Variants in SVOP observed in about 807,000 individuals in gnomAD.
The protein encoded by SVOP is synaptic vesicle 2-related protein.
SVOP carries 17 observed loss-of-function variants against 69.1 expected under a neutral mutation model. The observed-to-expected ratio is 0.25, with a 90% CI of 0.17 to 0.37. SVOP has a LOEUF of 0.37. SVOP is among the 10% of genes least tolerant of loss of function. The probability of loss-of-function intolerance (pLI) is 1.00; values close to 1 mark genes in which losing one functional copy is unlikely to be tolerated. For missense variants in SVOP, 435 were observed against 597.5 expected, an observed-to-expected ratio of 0.73 and a Z score of 2.84; for synonymous variants, 238 against 238.6, an observed-to-expected ratio of 1.00 and a Z score of 0.02.
chr12:108,991,953 T>G (rs2040204503), intron 1 of SVOP, among the ~76,000 whole-genome samples: 1 of 151,698 alleles, frequency 6.6e-6, no homozygotes, highest in African/African-American at 2.4e-5. Flanking sequence ...TCTAAAGAAA[T>G]AAAGAAATAA....
chr12:108,990,760 C>A (rs2040195325), intron 1 of SVOP, among the ~76,000 whole-genome samples: 1 of 152,206 alleles, frequency 6.6e-6, no homozygotes, highest in African/African-American at 2.4e-5. Flanking sequence ...GCCTGACTGA[C>A]AGCTCTTTGG....
At chr12:109,017,169 G>A (rs2040371906) in intron 1 of SVOP, among the ~76,000 whole-genome samples, 1 of 152,120 alleles carries the variant, frequency 6.6e-6, no homozygotes, top group Admixed American at 6.5e-5. Context: ...TGAGCCTTGG[G>A]TGAGTGAGCA....
intron 2 of SVOP, among the ~76,000 whole-genome samples, chr12:108,979,308 T>C (rs575552667): frequency 6.6e-6 from 1 of 152,342 alleles, no homozygotes; most frequent in East Asian, 1.9e-4. Flanking sequence ...GGTACAATCA[T>C]AGCTCAATGC....
At chr12:108,969,715 T>TTTCCTTCCTTCCTTCCTCCC (rs1555251568) in intron 5 of SVOP, among the ~76,000 whole-genome samples, 14 of 35,930 alleles carry the variant, frequency 3.9e-4, no homozygotes, top group African/African-American at 9.8e-4. Flanking sequence ...CCTCCTTTTT[T>TTTCCTTCCTTCCTTCCTCCC]TTCCTTCCTT....
rs1393370174 is a variant in SVOP at position 109,000,060 on chromosome 12, C to T, written c.36-16299G>A. On this transcript the variant is annotated intron_variant, in intron 1 of 15. Transcript: ENST00000610966. Reference sequence around the variant, plus strand: ...GAAAGGATCAACAAAATTGATAGACCGCTAGCAAGACTAATAAAGAAAAAA... The same window carrying T: ...GAAAGGATCAACAAAATTGATAGACTGCTAGCAAGACTAATAAAGAAAAAA... Among the ~76,000 whole-genome samples, 160 of 151,478 alleles carry T rather than the reference C, an allele frequency of 1.1e-3. 1 individual carries two copies. The highest frequency in any genetic ancestry group is 2.8e-3 in the African/African-American group (114 of 41,282).
intron 5 of SVOP, among the ~76,000 whole-genome samples, chr12:108,969,828 A>G (rs1054789092): frequency 2.0e-5 from 3 of 152,036 alleles, no homozygotes; most frequent in African/African-American, 7.2e-5. Flanking sequence ...TGGGTGGGAG[A>G]GCAGATGGGG....
chr12:108,983,006 CATCATCATTATCACCACCATCATCAT>C (rs1275314144), intron 2 of SVOP, among the ~76,000 whole-genome samples: 1 of 148,526 alleles, frequency 6.7e-6, no homozygotes, highest in Non-Finnish European at 1.5e-5. Flanking sequence ...TCATTGTCAC[CATCATCATTATCACCACCATCATCAT>C]ATCATCATCA....
At chr12:109,006,359 C>T (rs999493417) in intron 1 of SVOP, among the ~76,000 whole-genome samples, 4 of 151,988 alleles carry the variant, frequency 2.6e-5, no homozygotes, top group African/African-American at 9.7e-5. Flanking sequence ...CCCCAGAAAG[C>T]GTTTCTTAAA....
chr12:108,916,649 C>T (rs964516181), intron 14 of SVOP, among the ~76,000 whole-genome samples: 1 of 152,214 alleles, frequency 6.6e-6, no homozygotes, highest in Non-Finnish European at 1.5e-5. Context: ...GAAAGGCACA[C>T]GATGCGAGGA....
intron 11 of SVOP, chr12:108,926,639 G>A (rs2039782381): frequency 6.6e-6 from 1 of 152,224 alleles, no homozygotes; most frequent in Admixed American, 6.5e-5. Flanking sequence ...GTAGAAAAAT[G>A]ATAGTAATGT....
At chr12:108,997,599 C>G (rs1026718310) in intron 1 of SVOP, among the ~76,000 whole-genome samples, 1 of 151,950 alleles carries the variant, frequency 6.6e-6, no homozygotes, top group Non-Finnish European at 1.5e-5. Flanking sequence ...TCTCCCAGCA[C>G]GCAGCTGGAG....
chr12:108,964,297 G>A (rs2040033202), intron 5 of SVOP, among the ~76,000 whole-genome samples: 1 of 152,014 alleles, frequency 6.6e-6, no homozygotes, highest in East Asian at 1.9e-4. Context: ...TAATAATAAA[G>A]CAACATTTTT....
chr12:108,989,254 C>T (rs914209747), intron 1 of SVOP, among the ~76,000 whole-genome samples: 2 of 152,080 alleles, frequency 1.3e-5, no homozygotes, highest in African/African-American at 2.4e-5. Flanking sequence ...TAGTTTGTTT[C>T]GTAGAGACAG....
At chr12:109,003,002 TAA>T (rs1329742648) in intron 1 of SVOP, among the ~76,000 whole-genome samples, 3 of 13,086 alleles carry the variant, frequency 2.3e-4, no homozygotes, top group Non-Finnish European at 4.1e-3. Flanking sequence ...AATAAATAAA[TAA>T]AAATAAAAAT....
chr12:108,997,828 G>C (rs1274518592), intron 1 of SVOP, among the ~76,000 whole-genome samples: 10 of 151,290 alleles, frequency 6.6e-5, no homozygotes, highest in Admixed American at 2.6e-4. Context: ...CATCATCAAA[G>C]ACCAAAAGTA....
chr12:108,945,245 G>T, intron 6 of SVOP, 79 bp from the exon 7 acceptor site: 1 of 1,415,010 alleles, frequency 7.1e-7, no homozygotes, highest in Non-Finnish European at 9.6e-7. Flanking sequence ...TGAATTTGCA[G>T]CCGACATTCC....
chr12:108,936,769 G>A (rs1489842507), intron 10 of SVOP, among the ~76,000 whole-genome samples: 2 of 152,138 alleles, frequency 1.3e-5, no homozygotes, highest in African/African-American at 4.8e-5. Context: ...GAGCCACCAT[G>A]CCCAGCCAGC....
chr12:108,915,894 T>C lies in SVOP; in HGVS notation c.1351-22A>G. The C allele has an allele frequency of 3.8e-6, 6 of 1,578,038 alleles. 1 individual carries two copies. The highest frequency in any genetic ancestry group is 5.2e-6 in the Non-Finnish European group (6 of 1,162,580). On this transcript the variant is annotated intron_variant, in intron 14 of 15. Transcript: ENST00000610966. ...AGACCTGAAACACAGCAGCCGGATA[T>C]AGGCATGGGGACATGCAGGTTCCTC...
intron 11 of SVOP, among the ~76,000 whole-genome samples, chr12:108,925,995 T>C (rs1034627487): frequency 2.0e-5 from 3 of 151,710 alleles, no homozygotes; most frequent in Non-Finnish European, 4.4e-5. Flanking sequence ...CACCGCTCAC[T>C]GCAGCCTTGA....
Sources: gnomAD v4.1 joint callset for allele counts (sites outside exome capture counted in the v4.1 genomes callset) on GRCh38, gnomAD v4.1.1 for gene constraint, MANE v1.5 for transcripts, NCBI Gene and HGNC (gene_info 2026-07-23, HGNC 2026-07-21) for gene names.